The following PHF24 variants were observed in gnomAD, a reference collection of about 807,000 sequenced individuals.
PHF24 encodes the protein Galpha inhibitory interacting protein.
PHF24 carries 25 observed loss-of-function variants against 42.6 expected under a neutral mutation model. That is an observed-to-expected ratio of 0.59 (90% CI 0.43 to 0.82). The LOEUF (loss-of-function observed/expected upper bound fraction) is 0.82. Ranked by LOEUF, PHF24 falls within the 40% of genes least tolerant of loss-of-function variation. The probability of loss-of-function intolerance (pLI) is 0.00; values close to 1 mark genes in which losing one functional copy is unlikely to be tolerated. For missense variants in PHF24, 470 were observed against 538.1 expected (o/e 0.87, Z 1.25); for synonymous variants, 185 against 204.8 (o/e 0.90, Z 0.83).
At chr9:34,666,019 C>G in the PHF24 span, 1 of 324,142 alleles carries the variant, frequency 3.1e-6, no homozygotes, top group African/African-American at 2.2e-5. Flanking sequence ...CCTAAACTCC[C>G]GCCCTCCCTG....
the PHF24 span, among the ~76,000 whole-genome samples, chr9:34,878,381 G>A: frequency 3.9e-5 from 6 of 152,204 alleles, no homozygotes; most frequent in Non-Finnish European, 8.8e-5. Flanking sequence ...GACAGTGGGT[G>A]CAGCCCATGG....
chr9:34,809,998 G>C, the PHF24 span, among the ~76,000 whole-genome samples: 1 of 149,584 alleles, frequency 6.7e-6, no homozygotes, highest in Non-Finnish European at 1.5e-5. This position sits in a 1 kb window ranked among gnomAD's most constrained non-coding sequence, Gnocchi z 4.1. Context: ...GTGGGCGCAC[G>C]CGCCGCCGCC....
the PHF24 span, among the ~76,000 whole-genome samples, chr9:34,795,427 A>G: frequency 1.1e-4 from 16 of 152,206 alleles, no homozygotes; most frequent in African/African-American, 3.6e-4. Context: ...AAGGAAGACT[A>G]AAAGAATTAA....
the PHF24 span, chr9:34,709,114 C>T: frequency 2.8e-4 from 150 of 533,290 alleles, no homozygotes; most frequent in African/African-American, 2.6e-3. Context: ...CCTGATGATT[C>T]TCCTTCAAGG....
upstream of PHF24, among the ~76,000 whole-genome samples, chr9:34,955,513 C>T (rs1002720125): frequency 3.3e-5 from 5 of 152,140 alleles, no homozygotes; most frequent in South Asian, 4.1e-4. Context: ...CCCGTCTCTA[C>T]CAAAAATCCA....
the PHF24 span, among the ~76,000 whole-genome samples, chr9:34,862,023 G>T: frequency 6.6e-6 from 1 of 152,154 alleles, no homozygotes; most frequent in Non-Finnish European, 1.5e-5. Context: ...TCTGGTAAGG[G>T]GCCTCTTCCA....
intron 1 of PHF24, 79 bp from the exon 2 acceptor site, chr9:34,971,216 T>C (rs750581166): frequency 6.7e-7 from 1 of 1,487,498 alleles, no homozygotes; most frequent in Admixed American, 2.2e-5. Flanking sequence ...TAATAGCCCT[T>C]GCCACTTAGG....
the PHF24 span, among the ~76,000 whole-genome samples, chr9:34,672,392 A>G: frequency 1.3e-5 from 2 of 152,196 alleles, no homozygotes; most frequent in Middle Eastern, 3.2e-3. Flanking sequence ...TAAGGCTTCT[A>G]GTGGCCATAT....
the PHF24 span, among the ~76,000 whole-genome samples, chr9:34,889,855 G>T: frequency 1.3e-5 from 2 of 152,174 alleles, no homozygotes; most frequent in Non-Finnish European, 2.9e-5. Flanking sequence ...GGCCCAGTAA[G>T]TTGGCCCTTT....
the PHF24 span, among the ~76,000 whole-genome samples, chr9:34,718,901 A>G: frequency 6.6e-6 from 1 of 152,222 alleles, no homozygotes; most frequent in African/African-American, 2.4e-5. Context: ...AAAGCCCAAG[A>G]GAAGAGCTCT....
At chr9:34,936,689 G>A in the PHF24 span, among the ~76,000 whole-genome samples, 2 of 141,324 alleles carry the variant, frequency 1.4e-5, no homozygotes, top group African/African-American at 2.7e-5. Flanking sequence ...GCCACCCATC[G>A]TCTGAGATGT....
the PHF24 span, among the ~76,000 whole-genome samples, chr9:34,884,488 G>T: frequency 6.6e-6 from 1 of 152,284 alleles, no homozygotes; most frequent in East Asian, 1.9e-4. Flanking sequence ...GCCTGGACAG[G>T]CAAGGACAAA....
the PHF24 span, among the ~76,000 whole-genome samples, chr9:34,766,906 T>C: frequency 8.5e-5 from 13 of 152,326 alleles, no homozygotes; most frequent in East Asian, 2.3e-3. Context: ...TGTTCGTTAG[T>C]TTTCCTTCTA....
chr9:34,790,491 A>T, the PHF24 span, among the ~76,000 whole-genome samples: 1 of 148,708 alleles, frequency 6.7e-6, no homozygotes. Flanking sequence ...AACAATGCAT[A>T]TAAGTACTTA....
chr9:34,973,623 C>T (rs903142453), intron 3 of PHF24, among the ~76,000 whole-genome samples: 8 of 152,160 alleles, frequency 5.3e-5, no homozygotes, highest in East Asian at 1.9e-4. Context: ...GCTGCTTAGA[C>T]GAAAGCAGAG....
chr9:34,689,578 A>G, the PHF24 span: 13 of 537,184 alleles, frequency 2.4e-5, no homozygotes, highest in East Asian at 3.8e-4. The surrounding 1 kb of genome is among the most constrained non-coding windows in gnomAD (Gnocchi z 4.1). Context: ...AATTAGTTGT[A>G]AACACCAGGC....
At chr9:34,713,089 T>G in the PHF24 span, among the ~76,000 whole-genome samples, 3 of 152,264 alleles carry the variant, frequency 2.0e-5, no homozygotes, top group East Asian at 3.8e-4. Context: ...TGATATACAC[T>G]TGTTGAGAAC....
At chr9:34,971,260 G>A in intron 1 of PHF24, 35 bp from the exon 2 acceptor site, 2 of 1,558,002 alleles carry the variant, frequency 1.3e-6, no homozygotes, top group Non-Finnish European at 1.7e-6. Context: ...CTCAGCCATT[G>A]GCTGAACCTG....
the PHF24 span, among the ~76,000 whole-genome samples, chr9:34,680,720 A>AAAT: frequency 5.4e-5 from 7 of 128,668 alleles, no homozygotes; most frequent in African/African-American, 2.1e-4. Flanking sequence ...AAAAAAAAAT[A>AAAT]AAATAAAATA....
Sources: allele counts gnomAD v4.1 joint callset (sites outside exome capture counted in the v4.1 genomes callset), GRCh38; gene constraint gnomAD v4.1.1; non-coding constraint Gnocchi (gnomAD v3.1); transcripts MANE v1.5; gene names NCBI Gene and HGNC (gene_info 2026-07-23, HGNC 2026-07-21).